LAMA2: variants seen among roughly 807,000 people sequenced by gnomAD.
The protein encoded by LAMA2 is laminin subunit alpha 2, also known as laminin subunit alpha-2.
In LAMA2, 269 loss-of-function variants were observed where a neutral mutation model predicts 364.8. The observed-to-expected ratio is 0.74, with a 90% confidence interval of 0.67 to 0.82. The LOEUF is 0.82. LAMA2 is among the 40% of genes least tolerant of loss of function. The pLI is 0.00. For synonymous variants in LAMA2, 1,379 were observed against 1,370.6 expected (o/e 1.01, Z -0.14); for missense variants, 3,807 against 3,873.2 (o/e 0.98, Z 0.45).
In LAMA2 at chr6:129,403,878, C is replaced by T. The variant is rs1780109478; in HGVS notation, c.5784C>T (p.Tyr1928=). Residue 1928 remains tyrosine (Y), a synonymous_variant, in exon 40 of 65, where the codon TAC becomes TAT. Coordinates refer to ENST00000421865, the MANE Select transcript of LAMA2 (RefSeq NM_000426.4). ...ATGCCACTGCAGCCTTCAAAGCTTA[C>T]AGCAATATTAAGGACTATATTGATG... The part of the protein sequence containing the change: ...SFNATAAFKA[Y]SNIKDYIDEA... 6.2e-7 allele frequency: 1 copy of T among 1,613,626 alleles called. No homozygotes were observed. The highest frequency in any genetic ancestry group is 1.1e-5 in the South Asian group (1 of 91,066).
At chr6:129,395,330 G>A (rs1454415639) in intron 37 of LAMA2, among the ~76,000 whole-genome samples, 1 of 152,098 alleles carries the variant, frequency 6.6e-6, no homozygotes, top group Non-Finnish European at 1.5e-5. Flanking sequence ...TTATTTTAAG[G>A]TGGCATGTAA....
intron 10 of LAMA2, among the ~76,000 whole-genome samples, chr6:129,188,362 T>A (rs1781350753): frequency 6.6e-6 from 1 of 151,948 alleles, no homozygotes; most frequent in Admixed American, 6.6e-5. Context: ...AGCTAATGTC[T>A]GCAAATTTCT....
intron 50 of LAMA2, 74 bp from the exon 51 acceptor site, chr6:129,465,071 C>G (rs938020409): frequency 2.4e-6 from 3 of 1,246,770 alleles, no homozygotes; most frequent in Non-Finnish European, 3.5e-6. Context: ...CTAACATAAA[C>G]CACACAAGAA....
intron 56 of LAMA2, chr6:129,490,540 T>G (rs1020503729): frequency 2.0e-5 from 3 of 152,216 alleles, no homozygotes; most frequent in Admixed American, 6.5e-5. Flanking sequence ...TGGACAATCT[T>G]TAACAGAGGC....
intron 9 of LAMA2, among the ~76,000 whole-genome samples, chr6:129,171,823 A>G (rs1292843444): frequency 3.7e-5 from 4 of 108,358 alleles, no homozygotes; most frequent in Admixed American, 3.2e-4. Context: ...AATCAGACGT[A>G]GATTTGGTCT....
chr6:129,217,104 G>A (rs1473463873), intron 12 of LAMA2, among the ~76,000 whole-genome samples: 3 of 151,914 alleles, frequency 2.0e-5, no homozygotes, highest in South Asian at 2.1e-4. Flanking sequence ...CAGGAGAATC[G>A]CTTGAACCCA....
chr6:129,046,198 T>G (rs1031837257), intron 1 of LAMA2, among the ~76,000 whole-genome samples: 1 of 152,192 alleles, frequency 6.6e-6, no homozygotes. Flanking sequence ...AAAAGTCCAC[T>G]AAAACAAATT....
chr6:129,201,042 T>C lies in LAMA2; in HGVS notation c.1782+8189T>C, dbSNP rs541053378. On this transcript the variant is annotated intron_variant, in intron 12 of 64. Coordinates refer to ENST00000421865, the MANE Select transcript of LAMA2 (RefSeq NM_000426.4). ...TTGAATAATAGTATCTAGATTTCCT[T>C]ATCTACCTTAAACAACAACAAAGCC... Among the ~76,000 whole-genome samples, 21 of 152,332 alleles carry C rather than the reference T, an allele frequency of 1.4e-4. 1 individual carries two copies. Among genetic ancestry groups the C allele is most frequent in the Admixed American group, 1.1e-3 (17 of 15,304 alleles).
chr6:128,930,447 T>G (rs989621663), intron 1 of LAMA2, among the ~76,000 whole-genome samples: 15 of 152,174 alleles, frequency 9.9e-5, no homozygotes, highest in Admixed American at 6.5e-4. Context: ...ACTCTTAGAT[T>G]GAATACGAGT....
In LAMA2 at chr6:129,012,987, G is replaced by A. The variant is rs552944480; in HGVS notation, c.113-36931G>A. ...AGCTGAATTTCCACCTGTTCTTGAC[G>A]TATTACCTATCACCATCAGGCTATG... On this transcript the variant is annotated intron_variant, in intron 1 of 64. Transcript: ENST00000421865. Among the ~76,000 whole-genome samples the A allele has an allele frequency of 2.4e-3, 363 of 152,210 alleles. 1 individual carries two copies. The highest frequency in any genetic ancestry group is 8.2e-3 in the African/African-American group (341 of 41,516).
intron 12 of LAMA2, among the ~76,000 whole-genome samples, chr6:129,229,811 A>G (rs1051786221): frequency 6.6e-6 from 1 of 152,204 alleles, no homozygotes; most frequent in African/African-American, 2.4e-5. Flanking sequence ...GACCTGAGCA[A>G]CTAAAAGACT....
At chr6:129,385,399 G>C (rs1043144297) in intron 35 of LAMA2, among the ~76,000 whole-genome samples, 12 of 151,824 alleles carry the variant, frequency 7.9e-5, no homozygotes, top group African/African-American at 4.8e-5. Flanking sequence ...AGGTTATACT[G>C]TATATCCACA....
At chr6:129,063,588 T>G (rs2114802842) in intron 3 of LAMA2, among the ~76,000 whole-genome samples, 1 of 152,216 alleles carries the variant, frequency 6.6e-6, no homozygotes, top group Non-Finnish European at 1.5e-5. Flanking sequence ...AGGAATGCCA[T>G]TAATTAGTTA....
chr6:129,504,446 T>A (rs1785897112), intron 60 of LAMA2, among the ~76,000 whole-genome samples: 1 of 152,236 alleles, frequency 6.6e-6, no homozygotes, highest in Non-Finnish European at 1.5e-5. Flanking sequence ...AGAATAGATA[T>A]GTGTAAAATG....
intron 1 of LAMA2, among the ~76,000 whole-genome samples, chr6:129,033,620 T>C (rs1170873778): frequency 6.6e-6 from 1 of 152,214 alleles, no homozygotes; most frequent in Non-Finnish European, 1.5e-5. Flanking sequence ...GTTCTAAATT[T>C]CATTTTCCGT....
At chr6:129,076,416 ATG>A (rs1441762964) in intron 3 of LAMA2, among the ~76,000 whole-genome samples, 5 of 145,562 alleles carry the variant, frequency 3.4e-5, no homozygotes, top group Middle Eastern at 3.6e-3. Context: ...TAATGAGTAT[ATG>A]TGTGTATATA....
At chr6:129,417,488 C>G (rs953891825) in intron 40 of LAMA2, among the ~76,000 whole-genome samples, 3 of 151,954 alleles carry the variant, frequency 2.0e-5, no homozygotes, top group Admixed American at 6.5e-5. Flanking sequence ...CATGAGCTGG[C>G]CCAAAAAAAG....
At chr6:129,366,127 T>C in intron 32 of LAMA2, 92 bp from the exon 33 acceptor site, 1 of 1,331,318 alleles carries the variant, frequency 7.5e-7, no homozygotes, top group Non-Finnish European at 1.1e-6. Flanking sequence ...GAATTATTCT[T>C]GGACCATAAA....
At chr6:129,341,644 C>T (rs1258144515) in intron 29 of LAMA2, among the ~76,000 whole-genome samples, 1 of 152,178 alleles carries the variant, frequency 6.6e-6, no homozygotes, top group Non-Finnish European at 1.5e-5. Context: ...CTCTTCCTAA[C>T]TCCTTATTGC....
Sources: gnomAD v4.1 joint callset for allele counts (sites outside exome capture counted in the v4.1 genomes callset) on GRCh38, gnomAD v4.1.1 for gene constraint, MANE v1.5 for transcripts, NCBI Gene and HGNC (gene_info 2026-07-23, HGNC 2026-07-21) for gene names.